FBL: variants seen among roughly 807,000 people sequenced by gnomAD.
The protein encoded by FBL is rRNA 2'-O-methyltransferase fibrillarin.
FBL carries 10 observed loss-of-function variants against 42.2 expected under a neutral mutation model. The observed-to-expected ratio is 0.24, with a 90% confidence interval of 0.15 to 0.40. FBL has a LOEUF of 0.40. Ranked by LOEUF, FBL falls within the 10% of genes least tolerant of loss-of-function variation. The pLI is 1.00. For missense variants in FBL, 351 were observed against 439.2 expected, an observed-to-expected ratio of 0.80 and a Z score of 1.79; for synonymous variants, 165 against 165.4, an observed-to-expected ratio of 1.00 and a Z score of 0.02.
Position 39,846,327 on chromosome 19 carries a change from G to A in FBL, c.-27C>T, listed in dbSNP as rs1309943455. On this transcript the variant is annotated 5_prime_UTR_variant, in exon 1 of 9. Transcript: ENST00000221801. Reference sequence around the variant, plus strand: ...GCGAGCCCTGGTTTGTGCGGCTCCGGAGTCCGCGGCGTTCACAACTCCACG... The same window carrying A: ...GCGAGCCCTGGTTTGTGCGGCTCCGAAGTCCGCGGCGTTCACAACTCCACG... 1.9e-6 allele frequency: 3 copies of A among 1,612,858 alleles called. No homozygotes were observed. Among genetic ancestry groups the A allele is most frequent in the South Asian group, 1.1e-5 (1 of 90,950 alleles).
Position 39,836,566 on chromosome 19 carries a change from A to G in FBL, c.785T>C (p.Ile262Thr). 6.2e-7 allele frequency: 1 copy of G among 1,611,126 alleles called. No individual in the cohort carries two copies. ...TTCCAAACCCCGCACCTTAATGGAA[A>G]TCACAAAGTGTCCTCCATTACGCAG... ...TFLRNGGHFV[I>T]SIKANCIDST... is the part of the protein sequence containing the mutation. Residue 262 changes from isoleucine to threonine, a missense_variant, in exon 7 of 9, where the codon ATT (isoleucine) becomes ACT (threonine). Coordinates refer to ENST00000221801, the MANE Select transcript of FBL (RefSeq NM_001436.4).
In FBL at chr19:39,842,220, G is replaced by C. The variant is rs573793691; in HGVS notation, c.11-1433C>G. Among the ~76,000 whole-genome samples, 319 of 151,990 alleles carry C rather than the reference G, an allele frequency of 2.1e-3. 2 individuals carry two copies. Among genetic ancestry groups the C allele is most frequent in the African/African-American group, 7.4e-3 (306 of 41,466 alleles). On this transcript the variant is annotated intron_variant, in intron 1 of 8. Coordinates refer to ENST00000221801, the MANE Select transcript of FBL (RefSeq NM_001436.4). ...CCTGCCTCAGCCTCCCCAGTAGCTG[G>C]GACTACAGGCGCCCACCACCATGCC...
At position 39,840,382 on chromosome 19, in the gene FBL, A is replaced by G; in HGVS notation, c.283+32T>C. ...GACCCCCAGCCTCTCCCTGCCCCGA[A>G]GCTCAGCCGGCTCCCTGCCTTCCTC... On this transcript the variant is annotated intron_variant, in intron 3 of 8. Transcript: ENST00000221801. The surrounding 1 kb of genome is among the most constrained non-coding windows in gnomAD (Gnocchi z 4.5). 1 of 1,613,052 alleles carries G rather than the reference A, an allele frequency of 6.2e-7. No homozygotes were observed. The highest frequency in any genetic ancestry group is 1.1e-5 in the South Asian group (1 of 91,048).
chr19:39,840,098 A>T lies in FBL; in HGVS notation c.378+135T>A, dbSNP rs2145061315. On this transcript the variant is annotated intron_variant, in intron 4 of 8. Transcript: ENST00000221801. This position sits in a 1 kb window ranked among gnomAD's most constrained non-coding sequence, Gnocchi z 4.5. ...GGGAGTCACAGAAGGCGGATGAGGG[A>T]GCAGACAGTGTGGTTTACATATTAT... 6.0e-6 allele frequency: 4 copies of T among 665,878 alleles called. No homozygotes were observed. In the Middle Eastern group the frequency reaches 1.7e-3, roughly 276 times the overall value. 41.2% of individuals were successfully genotyped at this position (665,878 alleles called of 1,614,324 possible).
At chr19:39,834,887 A>C in intron 7 of FBL, 74 bp from the exon 8 acceptor site, 1 of 1,478,714 alleles carries the variant, frequency 6.8e-7, no homozygotes, top group Non-Finnish European at 9.4e-7. Flanking sequence ...TTTAAACCAG[A>C]TGTTTTCATT....
intron 4 of FBL, among the ~76,000 whole-genome samples, chr19:39,839,591 G>C (rs1304277300): frequency 1.3e-5 from 2 of 152,078 alleles, no homozygotes; most frequent in African/African-American, 4.8e-5. Flanking sequence ...AGGTGTTAAG[G>C]AGAGAAGACA....
At chr19:39,839,334 G>T in intron 4 of FBL, 129 bp from the exon 5 acceptor site, 1 of 704,896 alleles carries the variant, frequency 1.4e-6, no homozygotes, top group Non-Finnish European at 2.3e-6. Flanking sequence ...TGAGTAAAGA[G>T]CAGTGACCAT....
chr19:39,836,476 G>A (rs1445148102), intron 7 of FBL, 80 bp downstream of exon 7: 1 of 871,496 alleles, frequency 1.1e-6, no homozygotes, highest in Non-Finnish European at 1.8e-6. Flanking sequence ...TGTTTTGGGT[G>A]GCTATTTGAC....
chr19:39,840,190 T>C lies in FBL; in HGVS notation c.378+43A>G. ...CAGACACAGACTACTGGCTACACCC[T>C]CAGCTGCGACCCTGGTGGCTTGGAC... On this transcript the variant is annotated intron_variant, in intron 4 of 8. Coordinates refer to ENST00000221801, the MANE Select transcript of FBL (RefSeq NM_001436.4). This position sits in a 1 kb window ranked among gnomAD's most constrained non-coding sequence, Gnocchi z 4.5. 7.1e-7 allele frequency: 1 copy of C among 1,410,904 alleles called. No homozygotes were observed. Among genetic ancestry groups the C allele is most frequent in the Non-Finnish European group, 1.0e-6 (1 of 996,092 alleles). 87.4% of individuals were successfully genotyped at this position (1,410,904 alleles called of 1,614,324 possible).
Position 39,840,400 on chromosome 19 carries a change from C to A in FBL, c.283+14G>T. The A allele has an allele frequency of 6.2e-7, 1 of 1,613,730 alleles. No homozygotes were observed. Among genetic ancestry groups the A allele is most frequent in the Non-Finnish European group, 8.5e-7 (1 of 1,179,648 alleles). On this transcript the variant is annotated intron_variant, in intron 3 of 8. Transcript: ENST00000221801. This position sits in a 1 kb window ranked among gnomAD's most constrained non-coding sequence, Gnocchi z 4.5. The stretch of plus-strand genomic sequence containing the variant: ...GCCCCGAAGCTCAGCCGGCTCCCTG[C>A]CTTCCTCACTCACCCTCATGCCGAT...
intron 1 of FBL, among the ~76,000 whole-genome samples, chr19:39,843,686 A>G (rs1969204608): frequency 6.6e-6 from 1 of 152,204 alleles, no homozygotes; most frequent in African/African-American, 2.4e-5. Flanking sequence ...CACAAGCATC[A>G]ATTGAACACA....
rs764513028 is a variant in FBL, at chr19:39,836,611, G to T, written c.740C>A (p.Ala247Asp). The T allele has an allele frequency of 6.2e-7, 1 of 1,614,096 alleles. No homozygotes were observed. The change falls in exon 7 of 9, where the codon GCC becomes GAC. Residue 247 changes from alanine to aspartate, a missense_variant. Coordinates refer to ENST00000221801, the MANE Select transcript of FBL (RefSeq NM_001436.4). Reference protein sequence around the residue: ...VAQPDQTRIVALNAHTFLRNG... With the variant: ...VAQPDQTRIVDLNAHTFLRNG... ...ACGCAGGAAGGTGTGGGCATTCAGG[G>T]CCACAATCCGGGTCTGGTCTGGCTG...
chr19:39,836,463 C>T lies in FBL; in HGVS notation c.795+93G>A, dbSNP rs73930654. The T allele has an allele frequency of 4.8e-4, 371 of 780,450 alleles. 2 individuals are homozygous for T. In the African/African-American group the frequency reaches 5.9e-3, roughly 12 times the overall value. 48.3% of individuals were successfully genotyped at this position (780,450 alleles called of 1,614,324 possible). ...AGCTATAGTTTTGCAGACTTGGCCC[C>T]TCTGTTTTGGGTGGCTATTTGACAG... On this transcript the variant is annotated intron_variant, in intron 7 of 8. Transcript: ENST00000221801.
chr19:39,844,304 C>T (rs188626367), intron 1 of FBL, among the ~76,000 whole-genome samples: 1 of 152,170 alleles, frequency 6.6e-6, no homozygotes, highest in Non-Finnish European at 1.5e-5. Flanking sequence ...GAAGTACTGG[C>T]ATGTGCTTGG....
intron 1 of FBL, among the ~76,000 whole-genome samples, chr19:39,844,001 C>A (rs2145067380): frequency 6.6e-6 from 1 of 151,866 alleles, no homozygotes; most frequent in East Asian, 1.9e-4. Context: ...TTTCATCTTT[C>A]TATTAAAGAT....
At chr19:39,835,368 A>G (rs1475605358) in intron 7 of FBL, among the ~76,000 whole-genome samples, 1 of 151,948 alleles carries the variant, frequency 6.6e-6, no homozygotes, top group Non-Finnish European at 1.5e-5. Context: ...AAAATACAAA[A>G]ATTAGTCGGG....
At chr19:39,845,745 CG>C (rs1423456229) in intron 1 of FBL, among the ~76,000 whole-genome samples, 12 of 152,312 alleles carry the variant, frequency 7.9e-5, no homozygotes, top group African/African-American at 2.9e-4. Flanking sequence ...GAAAGTGAGC[CG>C]AAGAGCGCCG....
intron 4 of FBL, among the ~76,000 whole-genome samples, chr19:39,839,574 T>C (rs1969117258): frequency 6.8e-6 from 1 of 147,020 alleles, no homozygotes; most frequent in African/African-American, 2.5e-5. Context: ...GCATATGAGA[T>C]GGTGACAGGT....
In FBL at chr19:39,834,670, G is replaced by A. The variant is rs1968992589; in HGVS notation, c.939C>T (p.Tyr313=). The stretch of plus-strand genomic sequence containing the variant: ...TGTATTGCTGGGCCCCTGCTCACCT[G>A]TACACTCCCACGACCACGGCATGGT... The part of the protein sequence containing the change: ...ERDHAVVVGV[Y]RPPPKVKN The change falls in exon 8 of 9, where the codon TAC becomes TAT. Residue 313 remains tyrosine, a splice_region_variant and synonymous_variant. Transcript: ENST00000221801. 1.9e-6 allele frequency: 3 copies of A among 1,614,142 alleles called. No homozygotes were observed. Among genetic ancestry groups the A allele is most frequent in the East Asian group, 4.5e-5 (2 of 44,892 alleles).
Sources: gnomAD v4.1 joint callset for allele counts (sites outside exome capture counted in the v4.1 genomes callset) on GRCh38, gnomAD v4.1.1 for gene constraint, Gnocchi (gnomAD v3.1) non-coding constraint, MANE v1.5 for transcripts, NCBI Gene and HGNC (gene_info 2026-07-23, HGNC 2026-07-21) for gene names.